The following TTC29 variants were observed in gnomAD, a reference collection of about 807,000 sequenced individuals.
The protein encoded by TTC29 is tetratricopeptide repeat domain 29, also known as tetratricopeptide repeat protein 29.
TTC29 carries 49 observed loss-of-function variants against 58.1 expected under a neutral mutation model. The ratio of observed to expected loss-of-function variants is 0.84; its 90% confidence interval spans 0.67 to 1.07. The LOEUF is 1.07. Ranked by LOEUF, TTC29 falls within the 50% of genes least tolerant of loss-of-function variation. The pLI is 0.00. For missense variants in TTC29, 582 were observed against 555.6 expected, an observed-to-expected ratio of 1.05 and a Z score of -0.48; for synonymous variants, 209 against 196.8, an observed-to-expected ratio of 1.06 and a Z score of -0.52.
chr4:146,771,217 T>G (rs1287836210), intron 11 of TTC29, among the ~76,000 whole-genome samples: 1 of 152,110 alleles, frequency 6.6e-6, no homozygotes, highest in Non-Finnish European at 1.5e-5. Context: ...GTTTTATGGT[T>G]AGGTTTTAGT....
In TTC29 at chr4:146,862,488, T is replaced by C. The variant is rs530574947; in HGVS notation, c.885+5010A>G. Among the ~76,000 whole-genome samples, 11 of 152,256 alleles carry C rather than the reference T, an allele frequency of 7.2e-5. No individual in the cohort carries two copies. The South Asian group carries it at 1.0e-3, about 14-fold the overall frequency. On this transcript the variant is annotated intron_variant, in intron 8 of 12. Transcript: ENST00000325106. ...GTAAAAGGAGATTCAATTGAAAATT[T>C]GAAGAATGTCCTTTTAACGCAAAGG...
intron 11 of TTC29, among the ~76,000 whole-genome samples, chr4:146,753,910 G>T (rs1020504918): frequency 6.6e-6 from 1 of 151,942 alleles, no homozygotes; most frequent in South Asian, 2.1e-4. Flanking sequence ...GTTGTGGGGT[G>T]GGGGAAGGGG....
At chr4:146,942,603 C>T (rs562050500) in intron 2 of TTC29, 2 of 1,533,634 alleles carry the variant, frequency 1.3e-6, no homozygotes, top group Non-Finnish European at 1.7e-6. Flanking sequence ...GCTGTGAAGA[C>T]TTTTCCACAG....
At chr4:146,725,121 G>T (rs902092985) in intron 11 of TTC29, among the ~76,000 whole-genome samples, 1 of 152,016 alleles carries the variant, frequency 6.6e-6, no homozygotes, top group Non-Finnish European at 1.5e-5. Flanking sequence ...CTGTGGTAGG[G>T]ACAAAAAAGT....
At chr4:146,803,390 C>A in intron 11 of TTC29, 67 bp downstream of exon 11, 1 of 1,139,836 alleles carries the variant, frequency 8.8e-7, no homozygotes, top group East Asian at 2.6e-5. Context: ...TGAAACTTTC[C>A]AATGAAAGTA....
At chr4:146,864,260 C>G (rs1579858016) in intron 8 of TTC29, among the ~76,000 whole-genome samples, 1 of 152,040 alleles carries the variant, frequency 6.6e-6, no homozygotes, top group East Asian at 1.9e-4. Flanking sequence ...AGTTCCACAG[C>G]CAGGAACTCA....
chr4:146,852,932 C>A (rs1411932097), intron 8 of TTC29, among the ~76,000 whole-genome samples: 1 of 151,928 alleles, frequency 6.6e-6, no homozygotes, highest in South Asian at 2.1e-4. Context: ...TTTATGAATT[C>A]ATTTTTAAAT....
intron 11 of TTC29, among the ~76,000 whole-genome samples, chr4:146,792,464 G>GTATT (rs1388640716): frequency 6.6e-6 from 1 of 152,112 alleles, no homozygotes; most frequent in Non-Finnish European, 1.5e-5. Flanking sequence ...TCTTCTCAAA[G>GTATT]TATTACTGCT....
intron 11 of TTC29, among the ~76,000 whole-genome samples, chr4:146,742,137 A>G (rs1745199776): frequency 6.6e-6 from 1 of 152,140 alleles, no homozygotes; most frequent in Non-Finnish European, 1.5e-5. Flanking sequence ...TCACTATTAC[A>G]TTTGCTGAAT....
chr4:146,871,185 C>T (rs1317800080), intron 7 of TTC29, among the ~76,000 whole-genome samples: 2 of 151,816 alleles, frequency 1.3e-5, no homozygotes, highest in Middle Eastern at 3.2e-3. Context: ...TCAACATATG[C>T]TAATCAATTA....
intron 8 of TTC29, among the ~76,000 whole-genome samples, chr4:146,854,378 C>T (rs1032473421): frequency 6.6e-6 from 1 of 152,168 alleles, no homozygotes; most frequent in African/African-American, 2.4e-5. Flanking sequence ...TGAGCAAGAA[C>T]TATGTGACAC....
At chr4:146,728,039 C>G (rs1743920863) in intron 11 of TTC29, among the ~76,000 whole-genome samples, 1 of 152,116 alleles carries the variant, frequency 6.6e-6, no homozygotes, top group Non-Finnish European at 1.5e-5. Flanking sequence ...GTAATCCCAG[C>G]ATTTTGGGAG....
intron 11 of TTC29, among the ~76,000 whole-genome samples, chr4:146,761,575 T>A (rs1746903984): frequency 6.6e-6 from 1 of 151,848 alleles, no homozygotes; most frequent in African/African-American, 2.4e-5. Flanking sequence ...AATAATATTT[T>A]TTGAGTTAGG....
chr4:146,925,790 C>A (rs1254142555), intron 4 of TTC29, among the ~76,000 whole-genome samples: 1 of 152,140 alleles, frequency 6.6e-6, no homozygotes, highest in Non-Finnish European at 1.5e-5. Context: ...TCTGGTAGAA[C>A]TGAACCCCAA....
At chr4:146,758,553 G>A (rs530324844) in intron 11 of TTC29, among the ~76,000 whole-genome samples, 7 of 152,064 alleles carry the variant, frequency 4.6e-5, no homozygotes, top group South Asian at 2.1e-4. Context: ...ATCCAACAGC[G>A]CATGGAACTT....
At chr4:146,726,583 G>A (rs1743799729) in intron 11 of TTC29, among the ~76,000 whole-genome samples, 1 of 151,946 alleles carries the variant, frequency 6.6e-6, no homozygotes, top group Admixed American at 6.5e-5. Context: ...CTGTTATCTT[G>A]CTCAAGGTTT....
At chr4:146,907,839 T>C (rs1042170113) in intron 5 of TTC29, among the ~76,000 whole-genome samples, 1 of 152,144 alleles carries the variant, frequency 6.6e-6, no homozygotes, top group Admixed American at 6.6e-5. Flanking sequence ...TTATTTACAA[T>C]AGTTAATTTC....
At chr4:146,743,209 G>A (rs1482661114) in intron 11 of TTC29, among the ~76,000 whole-genome samples, 1 of 152,040 alleles carries the variant, frequency 6.6e-6, no homozygotes, top group East Asian at 1.9e-4. Flanking sequence ...AATTGGCCTT[G>A]GGAGGGTGGG....
intron 9 of TTC29, among the ~76,000 whole-genome samples, chr4:146,825,723 T>C (rs1304254053): frequency 6.6e-6 from 1 of 152,166 alleles, no homozygotes; most frequent in Non-Finnish European, 1.5e-5. Context: ...CCCACAATTA[T>C]TGTGTGGGAG....
Sources: gnomAD v4.1 joint callset for allele counts (sites outside exome capture counted in the v4.1 genomes callset) on GRCh38, gnomAD v4.1.1 for gene constraint, MANE v1.5 for transcripts, NCBI Gene and HGNC (gene_info 2026-07-23, HGNC 2026-07-21) for gene names.